PHF24: variants seen among roughly 807,000 people sequenced by gnomAD.
PHF24 encodes PHD finger protein 24.
A neutral mutation model predicts 42.6 loss-of-function variants in PHF24; 25 were observed. The ratio of observed to expected loss-of-function variants is 0.59; its 90% CI spans 0.43 to 0.82. The LOEUF (loss-of-function observed/expected upper bound fraction) is 0.82, where lower values mean the gene tolerates loss of function less well. Ranked by LOEUF, PHF24 falls within the 40% of genes least tolerant of loss-of-function variation. The probability of loss-of-function intolerance (pLI) is 0.00; values close to 1 mark genes in which losing one functional copy is unlikely to be tolerated. For missense variants in PHF24, 470 were observed against 538.1 expected, an observed-to-expected ratio of 0.87 and a Z score of 1.25; for synonymous variants, 185 against 204.8, an observed-to-expected ratio of 0.90 and a Z score of 0.83.
chr9:34,752,191 TAG>T, the PHF24 span, among the ~76,000 whole-genome samples: 1 of 151,802 alleles, frequency 6.6e-6, no homozygotes, highest in African/African-American at 2.4e-5. Context: ...AAAGAAATAA[TAG>T]AGTTCAGAGC....
At chr9:34,825,380 A>G in the PHF24 span, among the ~76,000 whole-genome samples, 2 of 152,006 alleles carry the variant, frequency 1.3e-5, no homozygotes, top group African/African-American at 4.8e-5. Flanking sequence ...CTATTAAAGG[A>G]CAAGCAATGG....
chr9:34,975,156 C>A (rs1563935595), intron 3 of PHF24, among the ~76,000 whole-genome samples: 1 of 152,222 alleles, frequency 6.6e-6, no homozygotes, highest in East Asian at 1.9e-4. Context: ...AGAATAAAGG[C>A]CTAATTTGAG....
At chr9:34,845,933 C>T in the PHF24 span, among the ~76,000 whole-genome samples, 4 of 152,130 alleles carry the variant, frequency 2.6e-5, no homozygotes, top group East Asian at 5.8e-4. Context: ...ATGAACTCAT[C>T]GTTTTTTATG....
the PHF24 span, among the ~76,000 whole-genome samples, chr9:34,842,784 AT>A: frequency 1.3e-5 from 2 of 152,046 alleles, no homozygotes; most frequent in African/African-American, 4.8e-5. Flanking sequence ...TGTGTGTTTA[AT>A]TTTTTTTAAT....
the PHF24 span, among the ~76,000 whole-genome samples, chr9:34,809,513 A>C: frequency 6.6e-6 from 1 of 152,192 alleles, no homozygotes; most frequent in Admixed American, 6.5e-5. This position sits in a 1 kb window ranked among gnomAD's most constrained non-coding sequence, Gnocchi z 4.1. Context: ...ATGGGAGACC[A>C]ATACTCTCAG....
At chr9:34,961,766 C>T (rs903584498) in intron 1 of PHF24, among the ~76,000 whole-genome samples, 1 of 152,102 alleles carries the variant, frequency 6.6e-6, no homozygotes, top group Admixed American at 6.5e-5. Flanking sequence ...AAACTGACCA[C>T]ATTTTTGCCT....
At chr9:34,791,360 A>G in the PHF24 span, among the ~76,000 whole-genome samples, 1 of 152,186 alleles carries the variant, frequency 6.6e-6, no homozygotes. Context: ...ATTTACTGAG[A>G]TGGGGGACAC....
At chr9:34,686,815 G>A in the PHF24 span, among the ~76,000 whole-genome samples, 1 of 152,184 alleles carries the variant, frequency 6.6e-6, no homozygotes, top group African/African-American at 2.4e-5. Context: ...CCACTCCTCA[G>A]AGATCTGACA....
At chr9:34,899,063 G>A in the PHF24 span, among the ~76,000 whole-genome samples, 1 of 152,206 alleles carries the variant, frequency 6.6e-6, no homozygotes, top group Admixed American at 6.5e-5. Flanking sequence ...GTGTGGACAG[G>A]ACAGTGGGAT....
At chr9:34,719,326 A>G in the PHF24 span, among the ~76,000 whole-genome samples, 6 of 152,220 alleles carry the variant, frequency 3.9e-5, no homozygotes, top group Admixed American at 3.9e-4. Context: ...GGCGGGAGCC[A>G]CAGCGCCTGG....
chr9:34,913,147 G>GA, the PHF24 span, among the ~76,000 whole-genome samples: 42 of 148,778 alleles, frequency 2.8e-4, no homozygotes, highest in Admixed American at 1.0e-3. Context: ...GAAAAACAGA[G>GA]AAAAAAAAAT....
At chr9:34,802,318 G>A in the PHF24 span, among the ~76,000 whole-genome samples, 2 of 152,280 alleles carry the variant, frequency 1.3e-5, no homozygotes, top group South Asian at 4.1e-4. Flanking sequence ...GCCAATTGTA[G>A]AGTCTCATCC....
chr9:34,863,242 C>T, the PHF24 span, among the ~76,000 whole-genome samples: 1 of 152,140 alleles, frequency 6.6e-6, no homozygotes, highest in Non-Finnish European at 1.5e-5. Flanking sequence ...CTGGCTTTAG[C>T]ACCTGCTGAT....
chr9:34,702,694 C>T, the PHF24 span, among the ~76,000 whole-genome samples: 15 of 152,222 alleles, frequency 9.9e-5, no homozygotes, highest in East Asian at 2.9e-3. Flanking sequence ...CCTGTAATCC[C>T]AGCACTTTGG....
chr9:34,942,821 G>A, the PHF24 span, among the ~76,000 whole-genome samples: 3 of 151,954 alleles, frequency 2.0e-5, no homozygotes, highest in Admixed American at 2.0e-4. Flanking sequence ...GACCAAAGGC[G>A]GGGAACATCA....
the PHF24 span, among the ~76,000 whole-genome samples, chr9:34,905,328 C>T: frequency 6.6e-6 from 1 of 152,116 alleles, no homozygotes; most frequent in Non-Finnish European, 1.5e-5. Context: ...TCATCTAAGC[C>T]GCCTTCCTCT....
exon 5 of PHF24, chr9:34,976,638 C>A (rs1563936998): frequency 6.2e-7 from 1 of 1,614,040 alleles, no homozygotes; most frequent in South Asian, 1.1e-5. Context: ...AGCAGGCGGC[C>A]CGCCAGTTTG....
At chr9:34,958,227 C>G (rs1826446202), upstream of PHF24, 1 of 67,454 alleles carries the variant, frequency 1.5e-5, no homozygotes, top group East Asian at 2.4e-4. This position sits in a 1 kb window ranked among gnomAD's most constrained non-coding sequence, Gnocchi z 4.5. Flanking sequence ...CGGCCGCGCG[C>G]GCCGCCGCCG....
chr9:34,740,552 G>A, the PHF24 span, among the ~76,000 whole-genome samples: 15 of 152,320 alleles, frequency 9.8e-5, no homozygotes, highest in East Asian at 2.7e-3. Flanking sequence ...CCAAGCCCAC[G>A]CCCACCTGGA....
Sources: gnomAD v4.1 joint callset for allele counts (sites outside exome capture counted in the v4.1 genomes callset) on GRCh38, gnomAD v4.1.1 for gene constraint, Gnocchi (gnomAD v3.1) non-coding constraint, MANE v1.5 for transcripts, NCBI Gene and HGNC (gene_info 2026-07-23, HGNC 2026-07-21) for gene names.